Variants in LRRC7 observed in about 807,000 individuals in gnomAD.
LRRC7 encodes the protein leucine-rich repeat-containing protein 7.
In LRRC7, 23 loss-of-function variants were observed where a neutral mutation model predicts 175.7. The observed-to-expected ratio is 0.13, with a 90% CI of 0.09 to 0.19. LRRC7 has a LOEUF of 0.19. Ranked by LOEUF, LRRC7 falls within the 10% of genes least tolerant of loss-of-function variation. The pLI, the probability that LRRC7 is intolerant of heterozygous loss-of-function variation, is 1.00. For missense variants in LRRC7, 1,354 were observed against 1,904.7 expected (o/e 0.71, Z 5.38); for synonymous variants, 685 against 680.9 (o/e 1.01, Z -0.09).
At chr1:69,794,454 A>G (rs1675482997) in intron 4 of LRRC7, among the ~76,000 whole-genome samples, 1 of 152,246 alleles carries the variant, frequency 6.6e-6, no homozygotes, top group South Asian at 2.1e-4. Context: ...GTTTTGACCC[A>G]TGGAAAGATG....
chr1:70,097,687 C>G (rs1315951545), intron 25 of LRRC7, among the ~76,000 whole-genome samples: 1 of 150,016 alleles, frequency 6.7e-6, no homozygotes, highest in African/African-American at 2.5e-5. Context: ...GTTCAATTCC[C>G]ACCTATGAGT....
At chr1:69,590,820 A>C (rs946263322) in intron 1 of LRRC7, among the ~76,000 whole-genome samples, 8 of 152,140 alleles carry the variant, frequency 5.3e-5, no homozygotes, top group African/African-American at 1.9e-4. Flanking sequence ...AGACATAAAA[A>C]ATTCATACAG....
chr1:69,717,948 GAAAGAAAGAAGAAAAAGAAAGA>G (rs2100763663), intron 2 of LRRC7, among the ~76,000 whole-genome samples: 1 of 100,288 alleles, frequency 1.0e-5, no homozygotes, highest in South Asian at 3.4e-4. Flanking sequence ...AAGAAAGAAA[GAAAGAAAGAAGAAAAAGAAAGA>G]AAGAGAAAGA....
At chr1:70,114,967 C>A (rs1665754289) in intron 26 of LRRC7, among the ~76,000 whole-genome samples, 1 of 152,040 alleles carries the variant, frequency 6.6e-6, no homozygotes. Flanking sequence ...AATCATACAA[C>A]CCTGCAAGAT....
intron 7 of LRRC7, among the ~76,000 whole-genome samples, chr1:69,903,574 A>G (rs1032903467): frequency 2.6e-5 from 4 of 152,120 alleles, no homozygotes; most frequent in African/African-American, 4.8e-5. Flanking sequence ...TAAAATCAAC[A>G]CCCTAACATC....
chr1:69,667,090 A>AT (rs535451849), intron 1 of LRRC7, among the ~76,000 whole-genome samples: 243 of 152,028 alleles, frequency 1.6e-3, no homozygotes, highest in African/African-American at 5.5e-3. Flanking sequence ...ATATCATTTA[A>AT]TTTTCATGTG....
intron 7 of LRRC7, among the ~76,000 whole-genome samples, chr1:69,891,854 G>A (rs1286080384): frequency 5.3e-5 from 8 of 152,108 alleles, no homozygotes; most frequent in Non-Finnish European, 1.2e-4. Context: ...GAAAAATGGT[G>A]CCAATAGACT....
At chr1:70,060,326 A>AC (rs373704034) in intron 23 of LRRC7, among the ~76,000 whole-genome samples, 6 of 150,608 alleles carry the variant, frequency 4.0e-5, no homozygotes, top group East Asian at 1.9e-4. Flanking sequence ...CTCCAACCCC[A>AC]CCCCCCCAAA....
At chr1:70,001,040 T>C (rs1655470985) in intron 11 of LRRC7, among the ~76,000 whole-genome samples, 1 of 152,176 alleles carries the variant, frequency 6.6e-6, no homozygotes, top group African/African-American at 2.4e-5. Context: ...TATTTTGTCA[T>C]CTCATTATTT....
At chr1:69,603,884 T>G (rs1441474042) in intron 1 of LRRC7, among the ~76,000 whole-genome samples, 2 of 152,128 alleles carry the variant, frequency 1.3e-5, no homozygotes, top group African/African-American at 4.8e-5. Context: ...GCTTGTGCCT[T>G]TTTCTTCCTT....
At chr1:69,690,238 G>A (rs1366240270) in intron 2 of LRRC7, among the ~76,000 whole-genome samples, 1 of 152,130 alleles carries the variant, frequency 6.6e-6, no homozygotes, top group East Asian at 1.9e-4. Flanking sequence ...TCAGTCGTTT[G>A]TGTAGGACTT....
chr1:70,067,031 A>G (rs1257716845), intron 23 of LRRC7, among the ~76,000 whole-genome samples: 3 of 152,066 alleles, frequency 2.0e-5, no homozygotes, highest in African/African-American at 7.2e-5. Context: ...ATGACTAATA[A>G]CGTTGAACAT....
intron 3 of LRRC7, among the ~76,000 whole-genome samples, chr1:69,775,497 G>T (rs1672714582): frequency 6.6e-6 from 1 of 152,130 alleles, no homozygotes; most frequent in African/African-American, 2.4e-5. Flanking sequence ...TTCTTGACCA[G>T]GCACTCTTAG....
intron 3 of LRRC7, among the ~76,000 whole-genome samples, chr1:69,778,805 T>C (rs1171923903): frequency 6.6e-6 from 1 of 151,958 alleles, no homozygotes; most frequent in East Asian, 1.9e-4. Flanking sequence ...TTGGCAGAGC[T>C]AGTCAGCAAA....
At chr1:70,025,201 AG>A (rs1657958234) in intron 17 of LRRC7, among the ~76,000 whole-genome samples, 1 of 151,464 alleles carries the variant, frequency 6.6e-6, no homozygotes, top group Admixed American at 6.6e-5. Context: ...GTGAAACTTA[AG>A]TGAGATTTTA....
At chr1:69,760,856 C>T (rs572292249) in intron 3 of LRRC7, among the ~76,000 whole-genome samples, 95 of 151,904 alleles carry the variant, frequency 6.3e-4, no homozygotes, top group Non-Finnish European at 1.1e-3. Flanking sequence ...TGTTTTTGTA[C>T]CTGTATGTAA....
intron 2 of LRRC7, among the ~76,000 whole-genome samples, chr1:69,692,511 G>A (rs1457615678): frequency 6.6e-6 from 1 of 152,106 alleles, no homozygotes; most frequent in Non-Finnish European, 1.5e-5. Context: ...ACTTTTTCGT[G>A]GGTCCTTCTG....
chr1:69,964,139 G>A (rs1651421937), intron 8 of LRRC7, among the ~76,000 whole-genome samples: 1 of 152,062 alleles, frequency 6.6e-6, no homozygotes, highest in South Asian at 2.1e-4. Flanking sequence ...CCATATATTA[G>A]CTGTATGACT....
At chr1:69,597,912 G>A (rs1421129734) in intron 1 of LRRC7, among the ~76,000 whole-genome samples, 2 of 152,092 alleles carry the variant, frequency 1.3e-5, no homozygotes, top group Non-Finnish European at 2.9e-5. Flanking sequence ...TTAAATCATA[G>A]TAATAGAAAA....
Sources: gnomAD v4.1 joint callset for allele counts (sites outside exome capture counted in the v4.1 genomes callset) on GRCh38, gnomAD v4.1.1 for gene constraint, MANE v1.5 for transcripts, NCBI Gene and HGNC (gene_info 2026-07-23, HGNC 2026-07-21) for gene names.